The following GAD2 variants were observed in gnomAD, a reference collection of about 807,000 sequenced individuals.
GAD2 encodes the protein glutamate decarboxylase 2.
A neutral mutation model predicts 80.1 loss-of-function variants in GAD2; 22 were observed. That is an observed-to-expected ratio of 0.27 (90% CI 0.20 to 0.39). GAD2 has a LOEUF of 0.39. Among genes scored for constraint, GAD2 ranks in the 10% least tolerant of loss-of-function variants. GAD2 has a pLI of 1.00. For missense variants in GAD2, 624 were observed against 738.4 expected, an observed-to-expected ratio of 0.85 and a Z score of 1.80; for synonymous variants, 274 against 256.9, an observed-to-expected ratio of 1.07 and a Z score of -0.64.
chr10:26,286,424 C>G lies in GAD2; in HGVS notation c.1316C>G (p.Thr439Ser). The G allele has an allele frequency of 6.2e-7, 1 of 1,614,008 alleles. No individual in the cohort carries two copies. Among genetic ancestry groups the G allele is most frequent in the Non-Finnish European group, 8.5e-7 (1 of 1,179,918 alleles). ...QDKHYDLSYD[T>S]GDKALQCGRH... is the part of the protein sequence containing the mutation. Reference sequence around the variant, plus strand: ...AAACATTATGACCTGTCCTATGACACTGGAGACAAGGCCTTACAGTGCGGA... The same window carrying G: ...AAACATTATGACCTGTCCTATGACAGTGGAGACAAGGCCTTACAGTGCGGA... Residue 439 changes from threonine (T) to serine (S), a missense_variant, in exon 13 of 16, where the codon ACT becomes AGT. Thr to Ser is a moderately conservative substitution (Grantham distance 58, BLOSUM62 1). Coordinates refer to ENST00000376261, the MANE Select transcript of GAD2 (RefSeq NM_001134366.2).
Position 26,301,141 on chromosome 10 carries a change from A to G in GAD2, c.*180A>G, listed in dbSNP as rs1834325959. 3.4e-6 allele frequency: 2 copies of G among 581,838 alleles called. No homozygotes were observed. The highest frequency in any genetic ancestry group is 6.1e-6 in the Non-Finnish European group (2 of 329,754). The allele number at this position is 581,838 out of a possible 1,614,324, so 36.0% of individuals were successfully genotyped here. A position where few individuals can be genotyped will look rare whatever the true frequency, so the allele number is the denominator to read the frequency against. ...CTTTTAAAAGTCCTTTCTTAAGTTT[A>G]GAATACCTCTCTAAGAATTCGTGAC... On this transcript the variant is annotated 3_prime_UTR_variant, in exon 16 of 16. Coordinates refer to ENST00000376261, the MANE Select transcript of GAD2 (RefSeq NM_001134366.2).
At chr10:26,287,903 C>T (rs1218360630) in intron 13 of GAD2, among the ~76,000 whole-genome samples, 1 of 152,132 alleles carries the variant, frequency 6.6e-6, no homozygotes, top group Non-Finnish European at 1.5e-5. Flanking sequence ...GTAACATGCT[C>T]AGTCCCATAA....
chr10:26,220,237 G>T (rs759241385), intron 4 of GAD2, among the ~76,000 whole-genome samples: 1 of 152,130 alleles, frequency 6.6e-6, no homozygotes, highest in African/African-American at 2.4e-5. Flanking sequence ...TTTGTGGATC[G>T]AAGTTGATGT....
chr10:26,224,716 AG>A, intron 6 of GAD2, 65 bp downstream of exon 6: 1 of 1,184,394 alleles, frequency 8.4e-7, no homozygotes, highest in Non-Finnish European at 1.3e-6. Context: ...TTGTAAACCT[AG>A]GGAAGATTAA....
At chr10:26,300,674 A>G in intron 15 of GAD2, 114 bp from the exon 16 acceptor site, 1 of 897,402 alleles carries the variant, frequency 1.1e-6, no homozygotes, top group Non-Finnish European at 1.7e-6. Flanking sequence ...AAGAGAAAAC[A>G]ATAAGGTTCT....
chr10:26,216,809 G>A lies in GAD2; in HGVS notation c.-1G>A, dbSNP rs766629595. ...GCGACCTGCTCCAGTCTCCAAAGCC[G>A]ATGGCATCTCCGGGCTCTGGCTTTT... On this transcript the variant is annotated 5_prime_UTR_variant, in exon 1 of 16. Transcript: ENST00000376261. This position sits in a 1 kb window ranked among gnomAD's most constrained non-coding sequence, Gnocchi z 4.7. 3 of 1,611,956 alleles carry A rather than the reference G, an allele frequency of 1.9e-6. No homozygotes were observed. The highest frequency in any genetic ancestry group is 1.7e-6 in the Non-Finnish European group (2 of 1,179,182).
chr10:26,265,335 G>T (rs1845059121), intron 8 of GAD2, among the ~76,000 whole-genome samples: 1 of 151,770 alleles, frequency 6.6e-6, no homozygotes, highest in African/African-American at 2.4e-5. Flanking sequence ...ACCCGAAGTA[G>T]CTGGGACTAT....
In GAD2 at chr10:26,219,183, C is replaced by G; in HGVS notation, c.427C>G (p.Gln143Glu). 6.2e-7 allele frequency: 1 copy of G among 1,613,502 alleles called. No individual in the cohort carries two copies. The highest frequency in any genetic ancestry group is 8.5e-7 in the Non-Finnish European group (1 of 1,179,862). Residue 143 changes from glutamine to glutamate, a missense_variant, in exon 4 of 16, where the codon CAA (glutamine) becomes GAA (glutamate). Physicochemically the swap from Gln to Glu is conservative, Grantham distance 29. Coordinates refer to ENST00000376261, the MANE Select transcript of GAD2 (RefSeq NM_001134366.2). Reference protein sequence around the residue: ...IDFHYPNELLQEYNWELADQP... With the variant: ...IDFHYPNELLEEYNWELADQP... ...TTTCCATTATCCTAATGAGCTTCTCCAAGAATATAATTGGGAATTGGCAGA... is the reference window on the plus strand; with the variant it reads ...TTTCCATTATCCTAATGAGCTTCTCGAAGAATATAATTGGGAATTGGCAGA...
At chr10:26,276,451 G>A (rs1845208167) in intron 11 of GAD2, among the ~76,000 whole-genome samples, 1 of 135,256 alleles carries the variant, frequency 7.4e-6, no homozygotes, top group Non-Finnish European at 1.5e-5. Context: ...GCGCAATCTT[G>A]CCTCACTGCA....
At chr10:26,245,400 A>G (rs1844795347) in intron 7 of GAD2, among the ~76,000 whole-genome samples, 1 of 151,790 alleles carries the variant, frequency 6.6e-6, no homozygotes, top group Admixed American at 6.6e-5. Context: ...AAAATAAATA[A>G]AAACGGTTAA....
chr10:26,283,796 T>G (rs1262194678), intron 12 of GAD2, among the ~76,000 whole-genome samples: 1 of 152,168 alleles, frequency 6.6e-6, no homozygotes, highest in Non-Finnish European at 1.5e-5. Context: ...CTTCACCATT[T>G]AAAGGACTCT....
At chr10:26,239,568 C>T (rs761763353) in intron 7 of GAD2, among the ~76,000 whole-genome samples, 11 of 152,186 alleles carry the variant, frequency 7.2e-5, no homozygotes, top group South Asian at 4.1e-4. Context: ...GTCAATTATA[C>T]GCTATGACAA....
At chr10:26,219,021 G>A (rs772614965) in intron 3 of GAD2, 22 bp from the exon 4 acceptor site, 26 of 1,482,184 alleles carry the variant, frequency 1.8e-5, no homozygotes, top group Non-Finnish European at 2.3e-5. Context: ...TTAAAATGTG[G>A]CATTTTAATT....
chr10:26,225,014 G>A (rs1030495094), intron 6 of GAD2, among the ~76,000 whole-genome samples: 1 of 152,164 alleles, frequency 6.6e-6, no homozygotes, highest in African/African-American at 2.4e-5. Flanking sequence ...GAAAGGAAAT[G>A]GGTAGCCTCA....
intron 8 of GAD2, among the ~76,000 whole-genome samples, chr10:26,253,788 T>C (rs1447653048): frequency 6.6e-6 from 1 of 152,144 alleles, no homozygotes; most frequent in Non-Finnish European, 1.5e-5. Context: ...GTTCTGCAAC[T>C]AGGGGAAGGA....
At chr10:26,271,403 G>A (rs944143937) in intron 10 of GAD2, among the ~76,000 whole-genome samples, 1 of 152,122 alleles carries the variant, frequency 6.6e-6, no homozygotes, top group Non-Finnish European at 1.5e-5. Context: ...GTTTTAGAAG[G>A]ACCGAAGGGA....
At position 26,275,178 on chromosome 10, in the gene GAD2, C is replaced by T. The variant is rs368391099; in HGVS notation, c.1157+1478C>T. Among the ~76,000 whole-genome samples the T allele has an allele frequency of 3.3e-5, 5 of 152,240 alleles. No homozygotes were observed. In the East Asian group the frequency reaches 7.7e-4, roughly 23 times the overall value. ...GAGAGAACAACTTGGAAGGTGCCTG[C>T]TCACATGATCAGAACAATAATTAAA... On this transcript the variant is annotated intron_variant, in intron 11 of 15. Coordinates refer to ENST00000376261, the MANE Select transcript of GAD2 (RefSeq NM_001134366.2).
intron 8 of GAD2, among the ~76,000 whole-genome samples, chr10:26,253,731 G>A (rs1374198364): frequency 2.6e-5 from 4 of 152,204 alleles, no homozygotes; most frequent in African/African-American, 9.7e-5. Flanking sequence ...CACAGGAAGG[G>A]AAGCACCATG....
At chr10:26,244,119 T>C (rs181827517) in intron 7 of GAD2, among the ~76,000 whole-genome samples, 162 of 152,328 alleles carry the variant, frequency 1.1e-3, no homozygotes, top group African/African-American at 3.6e-3. Flanking sequence ...AAGCACATGA[T>C]GCTAAGCACA....
Sources: gnomAD v4.1 joint callset for allele counts (sites outside exome capture counted in the v4.1 genomes callset) on GRCh38, gnomAD v4.1.1 for gene constraint, Gnocchi (gnomAD v3.1) non-coding constraint, MANE v1.5 for transcripts, NCBI Gene and HGNC (gene_info 2026-07-23, HGNC 2026-07-21) for gene names.